Variants in NECAB1 observed in about 807,000 individuals in gnomAD.
NECAB1 encodes N-terminal EF-hand calcium-binding protein 1.
In NECAB1, 29 loss-of-function variants were observed where a neutral mutation model predicts 57.5. That is an observed-to-expected ratio of 0.50 (90% confidence interval 0.38 to 0.69). NECAB1 has a LOEUF of 0.69. NECAB1 is among the 30% of genes least tolerant of loss of function. NECAB1 has a pLI of 0.00. For missense variants in NECAB1, 372 were observed against 413.8 expected, an observed-to-expected ratio of 0.90 and a Z score of 0.88; for synonymous variants, 142 against 147.7, an observed-to-expected ratio of 0.96 and a Z score of 0.28.
At chr8:90,896,420 T>C (rs1456470356) in intron 5 of NECAB1, among the ~76,000 whole-genome samples, 1 of 151,926 alleles carries the variant, frequency 6.6e-6, no homozygotes, top group East Asian at 1.9e-4. Flanking sequence ...CTGGCTAACA[T>C]GGTGAAACCC....
At chr8:90,825,401 C>T (rs1185795245) in intron 3 of NECAB1, among the ~76,000 whole-genome samples, 2 of 151,808 alleles carry the variant, frequency 1.3e-5, no homozygotes, top group Non-Finnish European at 1.5e-5. Context: ...TATATTCTCA[C>T]TATGCTTAAA....
chr8:90,913,800 G>C (rs1809886813), intron 5 of NECAB1, among the ~76,000 whole-genome samples: 2 of 152,208 alleles, frequency 1.3e-5, no homozygotes, highest in Admixed American at 1.3e-4. Context: ...AGGGAAGGAA[G>C]ATTGGATCTG....
At chr8:90,866,907 T>C (rs1462486160) in intron 3 of NECAB1, among the ~76,000 whole-genome samples, 2 of 152,202 alleles carry the variant, frequency 1.3e-5, no homozygotes, top group African/African-American at 2.4e-5. Flanking sequence ...ACTGGGTATA[T>C]ACCGAAAGGA....
At chr8:90,865,600 C>T (rs1436497855) in intron 3 of NECAB1, among the ~76,000 whole-genome samples, 1 of 152,164 alleles carries the variant, frequency 6.6e-6, no homozygotes, top group Non-Finnish European at 1.5e-5. Context: ...GAGTATTTAT[C>T]TTGATTATAG....
chr8:90,844,303 C>T (rs1285712763), intron 3 of NECAB1, among the ~76,000 whole-genome samples: 1 of 152,124 alleles, frequency 6.6e-6, no homozygotes, highest in African/African-American at 2.4e-5. Context: ...CCCTGCACTT[C>T]CTCCTTTCTT....
intron 12 of NECAB1, among the ~76,000 whole-genome samples, chr8:90,953,365 C>T (rs1400002456): frequency 6.6e-6 from 1 of 152,198 alleles, no homozygotes; most frequent in East Asian, 1.9e-4. Context: ...CTCTTTCTCT[C>T]TCAGAGCATT....
intron 1 of NECAB1, among the ~76,000 whole-genome samples, chr8:90,800,120 G>A (rs1400670400): frequency 6.6e-6 from 1 of 152,158 alleles, no homozygotes; most frequent in African/African-American, 2.4e-5. Flanking sequence ...TGCTATTGCT[G>A]CATAGATATG....
chr8:90,807,907 TCTC>T (rs1272186326), intron 2 of NECAB1, among the ~76,000 whole-genome samples: 2 of 152,168 alleles, frequency 1.3e-5, no homozygotes, highest in Non-Finnish European at 2.9e-5. Flanking sequence ...GCAAGAAATG[TCTC>T]CTCCACCACT....
intron 3 of NECAB1, among the ~76,000 whole-genome samples, chr8:90,830,329 T>C (rs956641287): frequency 1.2e-4 from 18 of 151,940 alleles, no homozygotes; most frequent in Non-Finnish European, 2.1e-4. Flanking sequence ...TCCTGGAGAA[T>C]AGAGCAGGCC....
In NECAB1 at chr8:90,918,972, C is replaced by G. The variant is rs76491700; in HGVS notation, c.494+1344C>G. ...ATGAACCTGGATATACTTGGGAGAC[C>G]TGATAATTCAGTAAGCCTAATTATT... On this transcript the variant is annotated intron_variant, in intron 6 of 12. Coordinates refer to ENST00000417640, the MANE Select transcript of NECAB1 (RefSeq NM_022351.5). Among the ~76,000 whole-genome samples, 37 of 151,648 alleles carry G rather than the reference C, an allele frequency of 2.4e-4. No individual in the cohort carries two copies. The East Asian group carries it at 6.9e-3, about 28-fold the overall frequency.
At chr8:90,866,987 G>C (rs1233827963) in intron 3 of NECAB1, among the ~76,000 whole-genome samples, 1 of 152,152 alleles carries the variant, frequency 6.6e-6, no homozygotes, top group East Asian at 1.9e-4. Flanking sequence ...CAATAGCAAA[G>C]ACTTGGAACC....
rs200075536 is a variant in NECAB1 at position 90,808,640 on chromosome 8, C to CTTTTTTTTTTTTTTT, written c.124+6934_124+6948dup. ...TTCATCCTAATCCTTTTTTTCTTTT[C>CTTTTTTTTTTTTTTT]TTTTTTTTTTTTTTTTTTTTTTTGA... On this transcript the variant is annotated intron_variant, in intron 2 of 12. Transcript: ENST00000417640. 3.0e-3 allele frequency among the ~76,000 whole-genome samples: 247 copies of CTTTTTTTTTTTTTTT among 81,278 alleles called. 1 individual carries two copies. The highest frequency in any genetic ancestry group is 6.4e-3 in the African/African-American group (123 of 19,154). 53.3% of individuals were successfully genotyped at this position (81,278 alleles called of 152,430 possible).
intron 3 of NECAB1, chr8:90,859,291 T>TACA (rs1812852046): frequency 6.6e-6 from 1 of 152,230 alleles, no homozygotes; most frequent in Admixed American, 6.5e-5. Flanking sequence ...GCCTGGGTGT[T>TACA]GGCCAAGCTG....
At chr8:90,922,207 G>GT (rs1343457935) in intron 6 of NECAB1, among the ~76,000 whole-genome samples, 1 of 152,202 alleles carries the variant, frequency 6.6e-6, no homozygotes, top group Non-Finnish European at 1.5e-5. Context: ...TAGGAACACA[G>GT]TTTTCATTAT....
intron 3 of NECAB1, among the ~76,000 whole-genome samples, chr8:90,828,866 A>G (rs570005053): frequency 6.6e-6 from 1 of 152,066 alleles, no homozygotes; most frequent in African/African-American, 2.4e-5. Flanking sequence ...TATTGCTGAA[A>G]ACTTTGATTT....
chr8:90,897,465 A>C (rs1809384134), intron 5 of NECAB1, among the ~76,000 whole-genome samples: 1 of 152,214 alleles, frequency 6.6e-6, no homozygotes, highest in Non-Finnish European at 1.5e-5. Flanking sequence ...AGACCCTGAA[A>C]AATTCTGAAC....
rs10630870 is a variant in NECAB1, at chr8:90,927,204, C to CTCTTTTTTTT, written c.617-1018_617-1017insCTTTTTTTTT. Among the ~76,000 whole-genome samples the CTCTTTTTTTT allele has an allele frequency of 7.5e-3, 987 of 131,040 alleles. 51 individuals are homozygous for CTCTTTTTTTT. The highest frequency in any genetic ancestry group is 0.019 in the African/African-American group (619 of 33,444). The allele number at this position is 131,040 out of a possible 152,430, so 86.0% of individuals were successfully genotyped here. On this transcript the variant is annotated intron_variant, in intron 7 of 12. Coordinates refer to ENST00000417640, the MANE Select transcript of NECAB1 (RefSeq NM_022351.5). ...CAATCAGCCCCTTTCTTTTCTCTCTCTTTTTTTTTTTTTTGTAGCCACTTC... is the reference window on the plus strand; with the variant it reads ...CAATCAGCCCCTTTCTTTTCTCTCTCTCTTTTTTTTTTTTTTTTTTTTTTGTAGCCACTTC...
At chr8:90,852,403 T>C (rs942210363) in intron 3 of NECAB1, among the ~76,000 whole-genome samples, 2 of 120,640 alleles carry the variant, frequency 1.7e-5, no homozygotes, top group Admixed American at 8.9e-5. Context: ...ATTTTGTACA[T>C]ACACACTGGT....
At chr8:90,860,121 A>T (rs1420399902) in intron 3 of NECAB1, among the ~76,000 whole-genome samples, 1 of 152,178 alleles carries the variant, frequency 6.6e-6, no homozygotes, top group African/African-American at 2.4e-5. Flanking sequence ...TGCATGTTAA[A>T]ATAATCTGGG....
Sources: allele counts gnomAD v4.1 joint callset (sites outside exome capture counted in the v4.1 genomes callset), GRCh38; gene constraint gnomAD v4.1.1; transcripts MANE v1.5; gene names NCBI Gene and HGNC (gene_info 2026-07-23, HGNC 2026-07-21).